LPIN3: variants seen among roughly 807,000 people sequenced by gnomAD.
LPIN3 encodes the protein lipin 3.
A neutral mutation model predicts 94.7 loss-of-function variants in LPIN3; 82 were observed. The observed-to-expected ratio is 0.87, with a 90% CI of 0.72 to 1.04. The LOEUF (loss-of-function observed/expected upper bound fraction) is 1.04, where lower values mean the gene tolerates loss of function less well. LPIN3 is among the 50% of genes least tolerant of loss of function. The probability of loss-of-function intolerance (pLI) is 0.00; values close to 1 mark genes in which losing one functional copy is unlikely to be tolerated. For missense variants in LPIN3, 996 were observed against 1,090.5 expected (o/e 0.91, Z 1.22); for synonymous variants, 418 against 443.3 (o/e 0.94, Z 0.72).
In LPIN3 at chr20:41,349,830, C is replaced by T; in HGVS notation, c.695C>T (p.Thr232Ile). 1 of 1,613,680 alleles carries T rather than the reference C, an allele frequency of 6.2e-7. No individual in the cohort carries two copies. The highest frequency in any genetic ancestry group is 8.5e-7 in the Non-Finnish European group (1 of 1,180,032). The change falls in exon 6 of 20, where the codon ACC (threonine) becomes ATC (isoleucine). Residue 232 changes from threonine (T) to isoleucine (I), a missense_variant. Physicochemically the swap from Thr to Ile is moderately conservative, Grantham distance 89. Transcript: ENST00000373257. ...AGCGACTCGGAGCTGGAGGTGCGGA[C>T]CCCGGAGCCCAGTCCCCTAAGAGCC... is the stretch of plus-strand genomic sequence containing the variant. The part of the protein sequence containing the change: ...PKSDSELEVR[T>I]PEPSPLRAES...
chr20:41,358,704 G>A lies in LPIN3; in HGVS notation c.2412-18G>A, dbSNP rs1225173837. 6.2e-7 allele frequency: 1 copy of A among 1,613,228 alleles called. No individual in the cohort carries two copies. Among genetic ancestry groups the A allele is most frequent in the Non-Finnish European group, 8.5e-7 (1 of 1,179,612 alleles). On this transcript the variant is annotated intron_variant, in intron 19 of 19. Transcript: ENST00000373257. ...TGGTGGCAGCTCAGGCTCAGTGCTG[G>A]CCCCCTTCTGCCTGTAGGTATGAGC...
At chr20:41,357,621 T>C (rs922608418) in intron 16 of LPIN3, among the ~76,000 whole-genome samples, 174 bp downstream of exon 16, 1 of 152,204 alleles carries the variant, frequency 6.6e-6, no homozygotes, top group Non-Finnish European at 1.5e-5. Flanking sequence ...GCTCATCCCC[T>C]GGGGCTGTGT....
chr20:41,358,832 C>T lies in LPIN3; in HGVS notation c.2522C>T (p.Pro841Leu). The change falls in exon 20 of 20, where the codon CCA becomes CTA. Residue 841 changes from proline to leucine, a missense_variant. Coordinates refer to ENST00000373257, the MANE Select transcript of LPIN3 (RefSeq NM_022896.3). ...AGTAACTTCTGCTACTGGCGGGAGC[C>T]ACTGCCTGCTGTGGACCTTGATACC... is the stretch of plus-strand genomic sequence containing the variant. The part of the protein sequence containing the change: ...EYSNFCYWRE[P>L]LPAVDLDTLD The T allele has an allele frequency of 6.2e-7, 1 of 1,614,062 alleles. No homozygotes were observed. Among genetic ancestry groups the T allele is most frequent in the Non-Finnish European group, 8.5e-7 (1 of 1,180,000 alleles).
chr20:41,350,261 C>A lies in LPIN3; in HGVS notation c.966C>A (p.His322Gln). 2 of 1,613,906 alleles carry A rather than the reference C, an allele frequency of 1.2e-6. No homozygotes were observed. The highest frequency in any genetic ancestry group is 1.7e-6 in the Non-Finnish European group (2 of 1,180,010). ...EDPTLVGPPLHTPETEESKTQ... is the reference protein window; with the variant it reads ...EDPTLVGPPLQTPETEESKTQ... ...CCACTCTAGTGGGTCCCCCTCTCCA[C>A]ACCCCAGAGACAGAGGAAAGCAAGA... is the stretch of plus-strand genomic sequence containing the variant. Residue 322 changes from histidine (H) to glutamine (Q), a missense_variant, in exon 7 of 20, where the codon CAC becomes CAA. By Grantham distance (24) the His-to-Gln change is conservative. Transcript: ENST00000373257.
At position 41,352,257 on chromosome 20, in the gene LPIN3, G is replaced by C. The variant is rs1343172061; in HGVS notation, c.1363+37G>C. ...CATGGCCAAGCCCTTTTGAGGGCTG[G>C]TGCTGAGCCCAGAGGATGGGGAGGG... On this transcript the variant is annotated intron_variant, in intron 9 of 19. Coordinates refer to ENST00000373257, the MANE Select transcript of LPIN3 (RefSeq NM_022896.3). The C allele has an allele frequency of 5.0e-6, 8 of 1,610,850 alleles. No homozygotes were observed. In the East Asian group the frequency reaches 1.6e-4, roughly 31 times the overall value.
intron 1 of LPIN3, among the ~76,000 whole-genome samples, chr20:41,342,597 G>A (rs6093471): frequency 0.031 from 4,743 of 152,242 alleles, 246 homozygotes; most frequent in African/African-American, 0.11. Flanking sequence ...GGGAAAAGGG[G>A]GTGCCTAAGG....
chr20:41,352,047 C>A lies in LPIN3; in HGVS notation c.1203-13C>A. On this transcript the variant is annotated splice_polypyrimidine_tract_variant and intron_variant, in intron 8 of 19. Transcript: ENST00000373257. ...CCTCGTATTCTTGTCATTGTTGGCCCCTTTGCCTGCAGTGACTCTGGGCTG... is the reference window on the plus strand; with the variant it reads ...CCTCGTATTCTTGTCATTGTTGGCCACTTTGCCTGCAGTGACTCTGGGCTG... 1 of 1,614,168 alleles carries A rather than the reference C, an allele frequency of 6.2e-7. No homozygotes were observed. The highest frequency in any genetic ancestry group is 2.2e-5 in the East Asian group (1 of 44,890).
At chr20:41,351,211 C>A (rs368889243) in intron 7 of LPIN3, among the ~76,000 whole-genome samples, 2 of 150,916 alleles carry the variant, frequency 1.3e-5, no homozygotes, top group African/African-American at 4.9e-5. Context: ...TATGATCATG[C>A]GATCACACCA....
intron 13 of LPIN3, 38 bp downstream of exon 13, chr20:41,354,901 C>G (rs1477506801): frequency 1.3e-6 from 2 of 1,543,406 alleles, no homozygotes; most frequent in Non-Finnish European, 1.7e-6. Context: ...GCAGGGGGAG[C>G]CTGGGAAAGA....
In LPIN3 at chr20:41,351,899, C is replaced by G. The variant is rs762760386; in HGVS notation, c.1181C>G (p.Ala394Gly). 6.2e-6 allele frequency: 10 copies of G among 1,614,132 alleles called. No homozygotes were observed. The highest frequency in any genetic ancestry group is 8.5e-6 in the Non-Finnish European group (10 of 1,180,056). The stretch of plus-strand genomic sequence containing the variant: ...TTGCCCTCCCTGGACTCTGAGAATG[C>G]AGCGCTTTACTTCCCCCAAAGGTGC... ...DDLPSLDSEN[A>G]ALYFPQSDSG... is the part of the protein sequence containing the mutation. The change falls in exon 8 of 20, where the codon GCA becomes GGA. Residue 394 changes from alanine (A) to glycine (G), a missense_variant. By Grantham distance (60) the Ala-to-Gly change is moderately conservative. Coordinates refer to ENST00000373257, the MANE Select transcript of LPIN3 (RefSeq NM_022896.3).
Position 41,352,819 on chromosome 20 carries a change from T to C in LPIN3, c.1479T>C (p.Ala493=). ...INGKHYNWAV[A]APMILSLQAF... is the part of the protein sequence containing the mutation. ...CTAGGCATTATAACTGGGCTGTGGC[T>C]GCCCCCATGATCCTCTCCCTGCAAG... Residue 493 remains alanine (A), a synonymous_variant, in exon 11 of 20, where the codon GCT becomes GCC. Transcript: ENST00000373257. The C allele has an allele frequency of 6.2e-7, 1 of 1,614,226 alleles. No individual in the cohort carries two copies. Among genetic ancestry groups the C allele is most frequent in the Non-Finnish European group, 8.5e-7 (1 of 1,180,028 alleles).
intron 3 of LPIN3, 98 bp downstream of exon 3, chr20:41,347,745 C>T (rs986704298): frequency 5.5e-5 from 57 of 1,043,590 alleles, no homozygotes; most frequent in East Asian, 2.4e-4. Flanking sequence ...CGCCCTTCCC[C>T]GGGAGCACCC....
Position 41,357,423 on chromosome 20 carries a change from C to G in LPIN3, c.2015C>G (p.Thr672Ser). 6.2e-7 allele frequency: 1 copy of G among 1,613,810 alleles called. No individual in the cohort carries two copies. The change falls in exon 16 of 20, where the codon ACC (threonine) becomes AGC (serine). Residue 672 changes from threonine to serine, a missense_variant. Coordinates refer to ENST00000373257, the MANE Select transcript of LPIN3 (RefSeq NM_022896.3). ...AAAGACTGGACACACCAGGGCATCA[C>G]CAGTCTCTATCACAAAATCCAACTG... ...LGKDWTHQGI[T>S]SLYHKIQLNG... is the part of the protein sequence containing the mutation.
chr20:41,356,970 G>T, intron 14 of LPIN3, 70 bp from the exon 15 acceptor site: 1 of 1,568,276 alleles, frequency 6.4e-7, no homozygotes, highest in African/African-American at 1.3e-5. Flanking sequence ...GGAGGCCACG[G>T]CGTAAGGGGA....
Position 41,348,653 on chromosome 20 carries a change from T to C in LPIN3, c.323T>C (p.Ile108Thr), listed in dbSNP as rs2045877908. 6.2e-7 allele frequency: 1 copy of C among 1,613,324 alleles called. No individual in the cohort carries two copies. The highest frequency in any genetic ancestry group is 8.5e-7 in the Non-Finnish European group (1 of 1,179,440). ...CCTCCCGGCCTGTGCACCTCACCCA[T>C]CCCTTGGGGGGGTCTGTCTGGCTTC... Reference protein sequence around the residue: ...HVPPGLCTSPIPWGGLSGFPS... With the variant: ...HVPPGLCTSPTPWGGLSGFPS... The change falls in exon 4 of 20, where the codon ATC becomes ACC. Residue 108 changes from isoleucine to threonine, a missense_variant. Transcript: ENST00000373257.
chr20:41,351,880 TC>T lies in LPIN3; in HGVS notation c.1165del (p.Leu389TrpfsTer31). The stretch of plus-strand genomic sequence containing the variant: ...TGACATCTACCTGGATGACTTGCCC[TC>T]CCTGGACTCTGAGAATGCAGCGCTT... ...PSDIYLDDLP[S>X]LDSENAALYF... On this transcript the variant is annotated frameshift_variant, in exon 8 of 20. Coordinates refer to ENST00000373257, the MANE Select transcript of LPIN3 (RefSeq NM_022896.3). LOFTEE classifies it high-confidence loss of function. 1 of 1,614,224 alleles carries T rather than the reference TC, an allele frequency of 6.2e-7. No individual in the cohort carries two copies. The highest frequency in any genetic ancestry group is 8.5e-7 in the Non-Finnish European group (1 of 1,180,042).
intron 1 of LPIN3, among the ~76,000 whole-genome samples, chr20:41,343,379 G>A (rs1004409171): frequency 6.6e-6 from 1 of 152,192 alleles, no homozygotes; most frequent in African/African-American, 2.4e-5. Context: ...TCACCACTCT[G>A]TCTCCCCAGA....
rs1036731544 is a variant in LPIN3, at chr20:41,347,577, C to T, written c.218C>T (p.Pro73Leu). The change falls in exon 3 of 20, where the codon CCT becomes CTT. Residue 73 changes from proline (P) to leucine (L), a missense_variant. Physicochemically the swap from Pro to Leu is moderately conservative, Grantham distance 98. Transcript: ENST00000373257. The part of the protein sequence containing the change: ...KVVDIELNGE[P>L]VDLHMKLGDS... ...GTAGACATTGAGCTCAATGGGGAGC[C>T]TGTGGACTTGCACATGAAGCTTGGG... is the stretch of plus-strand genomic sequence containing the variant. 5.6e-6 allele frequency: 9 copies of T among 1,614,074 alleles called. No homozygotes were observed. Among genetic ancestry groups the T allele is most frequent in the Non-Finnish European group, 6.8e-6 (8 of 1,180,032 alleles).
Position 41,357,096 on chromosome 20 carries a change from G to A in LPIN3, c.1860G>A (p.Gln620=), listed in dbSNP as rs754639516. 17 of 1,613,972 alleles carry A rather than the reference G, an allele frequency of 1.1e-5. No homozygotes were observed. Among genetic ancestry groups the A allele is most frequent in the Non-Finnish European group, 1.4e-5 (17 of 1,180,006 alleles). The change falls in exon 15 of 20, where the codon CAG becomes CAA. Residue 620 remains glutamine (Q), a synonymous_variant. Coordinates refer to ENST00000373257, the MANE Select transcript of LPIN3 (RefSeq NM_022896.3). ...ANDVVFSVTT[Q]YQGTCRCKAT... The stretch of plus-strand genomic sequence containing the variant: ...ATGTGGTCTTCAGCGTGACCACTCA[G>A]TACCAGGGCACCTGCCGCTGCAAGG...
Sources: gnomAD v4.1 joint callset for allele counts (sites outside exome capture counted in the v4.1 genomes callset) on GRCh38, gnomAD v4.1.1 for gene constraint, MANE v1.5 for transcripts, NCBI Gene and HGNC (gene_info 2026-07-23, HGNC 2026-07-21) for gene names.